KIRREL1: variants seen among roughly 807,000 people sequenced by gnomAD.
KIRREL1 encodes kirre like nephrin family adhesion molecule 1, also known as kin of IRRE-like protein 1.
Under a neutral mutation model 83.3 loss-of-function variants are expected in KIRREL1, and 25 were observed. The ratio of observed to expected loss-of-function variants is 0.30; its 90% CI spans 0.22 to 0.42. The LOEUF (loss-of-function observed/expected upper bound fraction) is 0.42. Among genes scored for constraint, KIRREL1 ranks in the 10% least tolerant of loss-of-function variants. The pLI, the probability that KIRREL1 is intolerant of heterozygous loss-of-function variation, is 1.00. For synonymous variants in KIRREL1, 388 were observed against 410.4 expected, an observed-to-expected ratio of 0.95 and a Z score of 0.66; for missense variants, 812 against 1,032.3, an observed-to-expected ratio of 0.79 and a Z score of 2.92.
chr1:158,069,302 TTGTGTGTGTGTGTG>T (rs57076623), intron 1 of KIRREL1, among the ~76,000 whole-genome samples: 3 of 143,292 alleles, frequency 2.1e-5, no homozygotes, highest in Admixed American at 6.9e-5. Context: ...TATGACGTAC[TTGTGTGTGTGTGTG>T]TGTGTGTGTG....
chr1:157,994,937 G>T (rs1198726102), intron 1 of KIRREL1, among the ~76,000 whole-genome samples: 2 of 152,144 alleles, frequency 1.3e-5, no homozygotes. Flanking sequence ...GTACATGTAT[G>T]CAGGCGTTTA....
intron 2 of KIRREL1, among the ~76,000 whole-genome samples, chr1:158,077,004 C>T (rs1442578231): frequency 6.6e-6 from 1 of 152,192 alleles, no homozygotes; most frequent in African/African-American, 2.4e-5. Context: ...GTGAAGCAGG[C>T]ATAGTGGTTG....
intron 1 of KIRREL1, among the ~76,000 whole-genome samples, chr1:158,044,822 C>A (rs1422967001): frequency 6.6e-6 from 1 of 152,152 alleles, no homozygotes; most frequent in Non-Finnish European, 1.5e-5. Context: ...AATCTCTACC[C>A]TCATGGACCT....
intron 1 of KIRREL1, among the ~76,000 whole-genome samples, chr1:158,061,294 G>A (rs1279578224): frequency 1.3e-5 from 2 of 152,288 alleles, no homozygotes; most frequent in Middle Eastern, 3.4e-3. Context: ...CAATCAAAAC[G>A]AGCCTTTCTG....
intron 1 of KIRREL1, among the ~76,000 whole-genome samples, chr1:158,001,721 T>A (rs1475277109): frequency 2.0e-5 from 3 of 152,136 alleles, no homozygotes; most frequent in Admixed American, 6.5e-5. Flanking sequence ...GCTGGTGGGA[T>A]GTGTGGCGGA....
chr1:158,087,468 T>C, intron 5 of KIRREL1, among the ~76,000 whole-genome samples: 1 of 152,026 alleles, frequency 6.6e-6, no homozygotes, highest in East Asian at 1.9e-4. Context: ...CCATCCTTTT[T>C]AGTGAGCCAA....
At chr1:158,021,747 T>G (rs1660008872) in intron 1 of KIRREL1, among the ~76,000 whole-genome samples, 1 of 152,176 alleles carries the variant, frequency 6.6e-6, no homozygotes, top group Non-Finnish European at 1.5e-5. Flanking sequence ...GTGTGGCAGC[T>G]GTGGTGGGCT....
In KIRREL1 at chr1:158,093,332, T is replaced by C. The variant is rs555696912; in HGVS notation, c.1472-7T>C. On this transcript the variant is annotated splice_region_variant and splice_polypyrimidine_tract_variant and intron_variant, in intron 11 of 14. Transcript: ENST00000359209. ...TCACCCCTCCACCTTTCCTTCCCCA[T>C]CGAAAGAGGTGTTACCTGTGGGCAT... The C allele has an allele frequency of 2.3e-5, 37 of 1,611,742 alleles. No individual in the cohort carries two copies. In the Admixed American group the frequency reaches 3.2e-4, roughly 14 times the overall value.
intron 1 of KIRREL1, among the ~76,000 whole-genome samples, chr1:158,003,468 C>T (rs1466726989): frequency 6.6e-6 from 1 of 152,156 alleles, no homozygotes; most frequent in Non-Finnish European, 1.5e-5. Flanking sequence ...TGTCTCAGTC[C>T]TCCCCACCAC....
intron 1 of KIRREL1, among the ~76,000 whole-genome samples, chr1:158,034,088 A>G (rs1660403713): frequency 6.6e-6 from 1 of 151,978 alleles, no homozygotes; most frequent in South Asian, 2.1e-4. Flanking sequence ...CTGGACTAAC[A>G]CGGTGTAACC....
intron 1 of KIRREL1, among the ~76,000 whole-genome samples, chr1:158,062,494 G>A (rs903933415): frequency 1.3e-5 from 2 of 152,266 alleles, no homozygotes; most frequent in Non-Finnish European, 2.9e-5. Context: ...AATTGATCCA[G>A]ATGACCCCAA....
chr1:157,999,058 G>T (rs1354660270), intron 1 of KIRREL1, among the ~76,000 whole-genome samples: 3 of 152,104 alleles, frequency 2.0e-5, no homozygotes, highest in African/African-American at 7.2e-5. Context: ...GCCACACCCT[G>T]CCTTTCTTAG....
In KIRREL1 at chr1:158,094,719, T is replaced by C. The variant is rs780056669; in HGVS notation, c.1873T>C (p.Tyr625His). Residue 625 changes from tyrosine (Y) to histidine (H), a missense_variant, in exon 15 of 15, where the codon TAC (tyrosine) becomes CAC (histidine). Tyr to His is a moderately conservative substitution (Grantham distance 83). Around this residue, in one of 3 missense-constraint regions of KIRREL1, gnomAD observed 334 missense variants for 383.7 expected, o/e 0.87. Coordinates refer to ENST00000359209, the MANE Select transcript of KIRREL1 (RefSeq NM_018240.7). The surrounding 1 kb of genome is among the most constrained non-coding windows in gnomAD (Gnocchi z 4.6). The part of the protein sequence containing the change: ...PSSRAVLYAD[Y>H]RAPGPARFDG... ...TTCCAGGGCAGTGCTCTATGCTGAC[T>C]ACCGTGCCCCTGGCCCTGCCCGCTT... is the stretch of plus-strand genomic sequence containing the variant. The C allele has an allele frequency of 1.2e-6, 2 of 1,613,146 alleles. No individual in the cohort carries two copies. Among genetic ancestry groups the C allele is most frequent in the South Asian group, 1.1e-5 (1 of 91,066 alleles).
chr1:158,092,883 T>G (rs886150091), intron 11 of KIRREL1, among the ~76,000 whole-genome samples: 3 of 152,006 alleles, frequency 2.0e-5, no homozygotes, highest in African/African-American at 7.3e-5. Flanking sequence ...GAGCCCTGAG[T>G]AGATAGGTGA....
At chr1:158,007,635 A>G (rs903572976) in intron 1 of KIRREL1, among the ~76,000 whole-genome samples, 2 of 151,802 alleles carry the variant, frequency 1.3e-5, no homozygotes, top group African/African-American at 2.4e-5. Flanking sequence ...CTGGGGGGAG[A>G]GTGCAGCATG....
At chr1:158,089,210 C>T (rs888270110) in intron 8 of KIRREL1, among the ~76,000 whole-genome samples, 1 of 152,158 alleles carries the variant, frequency 6.6e-6, no homozygotes, top group Non-Finnish European at 1.5e-5. Context: ...AATGAAAACA[C>T]TAGAACAGAT....
At chr1:158,022,047 G>A (rs973578652) in intron 1 of KIRREL1, among the ~76,000 whole-genome samples, 2 of 152,096 alleles carry the variant, frequency 1.3e-5, no homozygotes, top group Non-Finnish European at 2.9e-5. Flanking sequence ...GGTGCGGTTG[G>A]GGTGGGGCTC....
Position 158,093,292 on chromosome 1 carries a change from A to G in KIRREL1, c.1472-47A>G, listed in dbSNP as rs1266714253. The G allele has an allele frequency of 5.3e-6, 8 of 1,500,736 alleles. No homozygotes were observed. In the South Asian group the frequency reaches 5.7e-5, roughly 11 times the overall value. The allele number at this position is 1,500,736 out of a possible 1,614,324, so 93.0% of individuals were successfully genotyped here. A position where few individuals can be genotyped will look rare whatever the true frequency, so the allele number is the denominator to read the frequency against. ...TTAGCCAGCACTGAGCTTAGCTCCC[A>G]GTATAACTCCAGCCTCACCCCTCCA... is the stretch of plus-strand genomic sequence containing the variant. On this transcript the variant is annotated intron_variant, in intron 11 of 14. Coordinates refer to ENST00000359209, the MANE Select transcript of KIRREL1 (RefSeq NM_018240.7).
rs556196600 is a variant in KIRREL1 at position 158,022,673 on chromosome 1, C to T, written c.52+28945C>T. On this transcript the variant is annotated intron_variant, in intron 1 of 14. Coordinates refer to ENST00000359209, the MANE Select transcript of KIRREL1 (RefSeq NM_018240.7). Reference sequence around the variant, plus strand: ...AGATCCTTTGCCAGCTGCTGAAATCCAGGCCCTGAGATTTAAACTCCCCAA... The same window carrying T: ...AGATCCTTTGCCAGCTGCTGAAATCTAGGCCCTGAGATTTAAACTCCCCAA... 6.5e-4 allele frequency among the ~76,000 whole-genome samples: 99 copies of T among 152,192 alleles called. 3 individuals carry two copies. The highest frequency in any genetic ancestry group is 4.7e-3 in the Admixed American group (72 of 15,286).
Sources: allele counts gnomAD v4.1 joint callset (sites outside exome capture counted in the v4.1 genomes callset), GRCh38; gene constraint gnomAD v4.1.1; regional missense constraint gnomAD v4.1.1; non-coding constraint Gnocchi (gnomAD v3.1); transcripts MANE v1.5; gene names NCBI Gene and HGNC (gene_info 2026-07-23, HGNC 2026-07-21).